CAB39: variants seen among roughly 807,000 people sequenced by gnomAD.
CAB39 encodes calcium binding protein 39, also known as calcium-binding protein 39.
A neutral mutation model predicts 40.0 loss-of-function variants in CAB39; 8 were observed. That is an observed-to-expected ratio of 0.20 (90% confidence interval 0.12 to 0.36). The LOEUF (loss-of-function observed/expected upper bound fraction) is 0.36, where lower values mean the gene tolerates loss of function less well. CAB39 is among the 10% of genes least tolerant of loss of function. The probability of loss-of-function intolerance (pLI) is 1.00; values close to 1 mark genes in which losing one functional copy is unlikely to be tolerated. For missense variants in CAB39, 270 were observed against 401.1 expected, an observed-to-expected ratio of 0.67 and a Z score of 2.79; for synonymous variants, 156 against 141.6, an observed-to-expected ratio of 1.10 and a Z score of -0.72.
intron 1 of CAB39, among the ~76,000 whole-genome samples, chr2:230,730,311 C>T (rs1694664200): frequency 6.6e-6 from 1 of 151,974 alleles, no homozygotes; most frequent in African/African-American, 2.4e-5. Context: ...CCATGTTGCC[C>T]AGGCTAGAGC....
At chr2:230,792,620 G>C (rs1695910834) in intron 3 of CAB39, among the ~76,000 whole-genome samples, 1 of 152,156 alleles carries the variant, frequency 6.6e-6, no homozygotes, top group Non-Finnish European at 1.5e-5. Context: ...ATGAAGTTCT[G>C]ATCTCTGAAC....
intron 2 of CAB39, among the ~76,000 whole-genome samples, chr2:230,760,442 G>T (rs181363430): frequency 3.4e-4 from 51 of 152,186 alleles, no homozygotes; most frequent in African/African-American, 1.2e-3. Flanking sequence ...AGTCTCAAAC[G>T]CCAAGCCTCA....
intron 2 of CAB39, among the ~76,000 whole-genome samples, chr2:230,775,680 A>G (rs1026289134): frequency 1.3e-5 from 2 of 152,122 alleles, no homozygotes; most frequent in African/African-American, 4.8e-5. Flanking sequence ...AGTGGTGCGC[A>G]TTGGAGTTAA....
chr2:230,804,054 T>C (rs573263006), intron 5 of CAB39, among the ~76,000 whole-genome samples: 9 of 152,242 alleles, frequency 5.9e-5, no homozygotes, highest in East Asian at 5.8e-4. Context: ...AACAGAGATA[T>C]AGACCAATGG....
intron 1 of CAB39, among the ~76,000 whole-genome samples, chr2:230,748,823 AAAAAAAAAATATATATATATATAT>A: frequency 3.4e-5 from 2 of 59,204 alleles, no homozygotes; most frequent in Admixed American, 4.0e-4. Context: ...GAAAAAAAAA[AAAAAAAAAATATATATATATATAT>A]ATATATATAT....
intron 1 of CAB39, chr2:230,725,544 T>G: frequency 1.2e-6 from 1 of 827,494 alleles, no homozygotes; most frequent in South Asian, 1.5e-5. Flanking sequence ...AGGTAAGTAA[T>G]GGGGAAAACC....
intron 2 of CAB39, among the ~76,000 whole-genome samples, chr2:230,774,677 G>C (rs1001972496): frequency 6.6e-6 from 1 of 152,174 alleles, no homozygotes; most frequent in African/African-American, 2.4e-5. Context: ...TTCATGAGAG[G>C]AGTAAGTTTG....
chr2:230,733,283 A>G (rs1192262263), intron 1 of CAB39, among the ~76,000 whole-genome samples: 3 of 152,186 alleles, frequency 2.0e-5, no homozygotes, highest in African/African-American at 7.2e-5. Flanking sequence ...CAGCAGTTGC[A>G]AGACTAGCTG....
chr2:230,766,845 A>G (rs1187301788), intron 2 of CAB39, among the ~76,000 whole-genome samples: 7 of 152,200 alleles, frequency 4.6e-5, no homozygotes, highest in African/African-American at 2.4e-5. Flanking sequence ...ACATTTCAGC[A>G]TGAGATTTGG....
intron 6 of CAB39, among the ~76,000 whole-genome samples, chr2:230,812,745 G>A (rs1421938703): frequency 7.2e-5 from 11 of 152,202 alleles, no homozygotes; most frequent in African/African-American, 2.7e-4. Flanking sequence ...GTATAATTCT[G>A]TGTTAGCTCT....
At chr2:230,713,599 C>G (rs1034649335) in intron 1 of CAB39, 1 of 152,312 alleles carries the variant, frequency 6.6e-6, no homozygotes, top group African/African-American at 2.4e-5. Flanking sequence ...CGGCTGCACC[C>G]GGGCTTCAGC....
intron 3 of CAB39, 99 bp downstream of exon 3, chr2:230,791,135 T>C: frequency 1.0e-6 from 1 of 968,324 alleles, no homozygotes; most frequent in Non-Finnish European, 1.5e-6. Context: ...CCTTTTGGGC[T>C]CTTGGCTCAG....
chr2:230,786,644 T>C (rs954846924), intron 2 of CAB39, among the ~76,000 whole-genome samples: 5 of 152,182 alleles, frequency 3.3e-5, no homozygotes, highest in African/African-American at 1.2e-4. Context: ...TGAAGAATTG[T>C]TAAGAGCTTT....
At chr2:230,745,657 G>A (rs368442916) in intron 1 of CAB39, among the ~76,000 whole-genome samples, 8 of 151,650 alleles carry the variant, frequency 5.3e-5, no homozygotes, top group African/African-American at 1.2e-4. Context: ...CCAGAGTTTC[G>A]CGCTTGTTGC....
intron 5 of CAB39, among the ~76,000 whole-genome samples, chr2:230,805,866 G>T (rs1197961067): frequency 6.6e-6 from 1 of 152,186 alleles, no homozygotes; most frequent in Non-Finnish European, 1.5e-5. Flanking sequence ...TTTCCACGGG[G>T]CTTTCCCCAC....
intron 7 of CAB39, among the ~76,000 whole-genome samples, chr2:230,817,058 T>C (rs1214381415): frequency 1.3e-5 from 2 of 152,368 alleles, no homozygotes; most frequent in Non-Finnish European, 2.9e-5. Flanking sequence ...GTTTAAAAGT[T>C]ATGAGTTTAT....
At chr2:230,795,291 G>T (rs535133618) in intron 4 of CAB39, among the ~76,000 whole-genome samples, 1 of 140,730 alleles carries the variant, frequency 7.1e-6, no homozygotes, top group African/African-American at 2.7e-5. Flanking sequence ...AAAAAAAAAA[G>T]TTCCAAACAA....
intron 1 of CAB39, among the ~76,000 whole-genome samples, chr2:230,757,540 T>G (rs901896006): frequency 6.6e-6 from 1 of 152,212 alleles, no homozygotes; most frequent in African/African-American, 2.4e-5. Flanking sequence ...TTTTGGTGGC[T>G]GTACTCTTTC....
At chr2:230,781,896 G>T (rs1047263435) in intron 2 of CAB39, among the ~76,000 whole-genome samples, 2 of 152,044 alleles carry the variant, frequency 1.3e-5, no homozygotes, top group Non-Finnish European at 2.9e-5. Flanking sequence ...ACACAGTCTC[G>T]CTCTGTCACC....
Sources: allele counts gnomAD v4.1 joint callset (sites outside exome capture counted in the v4.1 genomes callset), GRCh38; gene constraint gnomAD v4.1.1; transcripts MANE v1.5; gene names NCBI Gene and HGNC (gene_info 2026-07-23, HGNC 2026-07-21).